The following MCTP1 variants were observed in gnomAD, a reference collection of about 807,000 sequenced individuals.
MCTP1 encodes the protein multiple C2 and transmembrane domain containing 1, also known as multiple C2 and transmembrane domain-containing protein 1.
MCTP1 carries 69 observed loss-of-function variants against 120.6 expected under a neutral mutation model. That is an observed-to-expected ratio of 0.57 (90% CI 0.47 to 0.70). MCTP1 has a LOEUF of 0.70. Ranked by LOEUF, MCTP1 falls within the 30% of genes least tolerant of loss-of-function variation. The probability of loss-of-function intolerance (pLI) is 0.00; values close to 1 mark genes in which losing one functional copy is unlikely to be tolerated. For synonymous variants in MCTP1, 529 were observed against 493.1 expected, an observed-to-expected ratio of 1.07 and a Z score of -0.96; for missense variants, 1,203 against 1,248.8, an observed-to-expected ratio of 0.96 and a Z score of 0.55.
At chr5:94,873,602 C>A (rs1798230690) in intron 12 of MCTP1, among the ~76,000 whole-genome samples, 1 of 151,874 alleles carries the variant, frequency 6.6e-6, no homozygotes, top group African/African-American at 2.4e-5. Flanking sequence ...TCTGTAAGAG[C>A]CGTTTGAAAA....
chr5:95,260,471 G>A (rs960214970), intron 1 of MCTP1, among the ~76,000 whole-genome samples: 2 of 152,132 alleles, frequency 1.3e-5, no homozygotes, highest in African/African-American at 4.8e-5. Context: ...CTGCGCAAAA[G>A]CATCGTGAGA....
chr5:95,182,790 G>C (rs1463389290), intron 1 of MCTP1, among the ~76,000 whole-genome samples: 1 of 152,064 alleles, frequency 6.6e-6, no homozygotes, highest in African/African-American at 2.4e-5. Context: ...CTGGGAGGCC[G>C]AGGCGGGTGG....
At chr5:95,202,929 G>A (rs144039668) in intron 1 of MCTP1, among the ~76,000 whole-genome samples, 163 of 152,030 alleles carry the variant, frequency 1.1e-3, no homozygotes, top group Non-Finnish European at 1.6e-3. Context: ...GGGTTTCACC[G>A]TGTTGGCCAG....
intron 1 of MCTP1, among the ~76,000 whole-genome samples, chr5:95,237,938 G>A (rs946345453): frequency 4.6e-5 from 7 of 152,048 alleles, no homozygotes; most frequent in Admixed American, 3.9e-4. Flanking sequence ...CATGCCACAC[G>A]AGATGCTGGG....
chr5:94,782,795 A>G (rs549745458), intron 18 of MCTP1, among the ~76,000 whole-genome samples: 39 of 152,162 alleles, frequency 2.6e-4, no homozygotes, highest in Non-Finnish European at 3.5e-4. Flanking sequence ...TTAATGAACA[A>G]CATACACTAT....
Position 95,282,722 on chromosome 5 carries a change from T to G in MCTP1, c.720+1134A>C, listed in dbSNP as rs139112444. 5.7e-3 allele frequency among the ~76,000 whole-genome samples: 865 copies of G among 152,350 alleles called. 9 individuals carry two copies. Among genetic ancestry groups the G allele is most frequent in the South Asian group, 0.029 (140 of 4,830 alleles). On this transcript the variant is annotated intron_variant, in intron 1 of 22. Coordinates refer to ENST00000515393, the MANE Select transcript of MCTP1 (RefSeq NM_024717.7). Reference sequence around the variant, plus strand: ...TTTGCTTACAGCAAGCAATTTTGTTTATTAAGGAACAAAACATATTCATAT... The same window carrying G: ...TTTGCTTACAGCAAGCAATTTTGTTGATTAAGGAACAAAACATATTCATAT...
At chr5:94,809,986 T>C (rs1783096940) in intron 17 of MCTP1, among the ~76,000 whole-genome samples, 1 of 152,050 alleles carries the variant, frequency 6.6e-6, no homozygotes, top group African/African-American at 2.4e-5. Context: ...TGGATCTCAG[T>C]TGTGTTTTAG....
intron 19 of MCTP1, among the ~76,000 whole-genome samples, chr5:94,737,926 G>C (rs1025060015): frequency 6.6e-6 from 1 of 152,168 alleles, no homozygotes; most frequent in African/African-American, 2.4e-5. Flanking sequence ...CGATCCACCT[G>C]CCTCGGCCTC....
At chr5:95,015,378 G>C (rs1430711717) in intron 2 of MCTP1, among the ~76,000 whole-genome samples, 2 of 151,980 alleles carry the variant, frequency 1.3e-5, no homozygotes, top group African/African-American at 4.8e-5. Context: ...CTATTTTGGG[G>C]TGCTAAAATA....
At chr5:95,023,979 C>T in intron 1 of MCTP1, 1 of 342,124 alleles carries the variant, frequency 2.9e-6, no homozygotes. Flanking sequence ...TTTTTAGTGC[C>T]TTCGTCTATT....
chr5:94,798,876 CCTGA>C (rs1780615819), intron 18 of MCTP1, 133 bp downstream of exon 18: 1 of 785,800 alleles, frequency 1.3e-6, no homozygotes, highest in African/African-American at 1.8e-5. Context: ...TTAGTTTTGA[CCTGA>C]TAAAACTTTC....
rs949233417 is a variant in MCTP1, at chr5:95,000,885, C to G, written c.838+16482G>C. Among the ~76,000 whole-genome samples the G allele has an allele frequency of 3.9e-5, 6 of 152,318 alleles. No homozygotes were observed. The East Asian group carries it at 1.2e-3, about 29-fold the overall frequency. ...GAGCAACTTGCAATCCTACAAGCAC[C>G]ATTCATGGTAAATGCCCTATACAGG... On this transcript the variant is annotated intron_variant, in intron 2 of 22. Coordinates refer to ENST00000515393, the MANE Select transcript of MCTP1 (RefSeq NM_024717.7).
intron 1 of MCTP1, among the ~76,000 whole-genome samples, chr5:95,099,742 A>G (rs1050106676): frequency 2.0e-5 from 3 of 151,612 alleles, no homozygotes; most frequent in Non-Finnish European, 4.4e-5. Flanking sequence ...AGAACTAGAA[A>G]TACCATTTGA....
At chr5:94,937,467 T>C (rs952474188) in intron 5 of MCTP1, among the ~76,000 whole-genome samples, 1 of 152,054 alleles carries the variant, frequency 6.6e-6, no homozygotes, top group African/African-American at 2.4e-5. Flanking sequence ...GAAAACCATA[T>C]TTTTGATGTA....
intron 19 of MCTP1, among the ~76,000 whole-genome samples, chr5:94,760,747 C>T (rs1408953276): frequency 3.3e-5 from 5 of 151,624 alleles, no homozygotes; most frequent in South Asian, 2.1e-4. Flanking sequence ...TGCAGTGGCA[C>T]GATCACAGCT....
chr5:94,780,093 C>T (rs925611156), intron 18 of MCTP1, among the ~76,000 whole-genome samples: 1 of 151,820 alleles, frequency 6.6e-6, no homozygotes, highest in Non-Finnish European at 1.5e-5. Context: ...CAAGTAAGAC[C>T]CAACTTATTG....
At position 94,827,257 on chromosome 5, in the gene MCTP1, G is replaced by A. The variant is rs184578978; in HGVS notation, c.2437-28125C>T. Among the ~76,000 whole-genome samples, 540 of 152,258 alleles carry A rather than the reference G, an allele frequency of 3.5e-3. 3 individuals carry two copies. Among genetic ancestry groups the A allele is most frequent in the Non-Finnish European group, 5.2e-3 (352 of 68,012 alleles). On this transcript the variant is annotated intron_variant, in intron 17 of 22. Transcript: ENST00000515393. Reference sequence around the variant, plus strand: ...AAGTTTGGCTGGATATGAAATTCTGGATTGAAAATTCTTTTCTTTAAGAGT... The same window carrying A: ...AAGTTTGGCTGGATATGAAATTCTGAATTGAAAATTCTTTTCTTTAAGAGT...
At chr5:94,772,049 G>A (rs1367788624) in intron 19 of MCTP1, among the ~76,000 whole-genome samples, 1 of 152,086 alleles carries the variant, frequency 6.6e-6, no homozygotes, top group Non-Finnish European at 1.5e-5. Flanking sequence ...CAGTTAGTTT[G>A]TGTTTTACTG....
At chr5:94,853,689 T>C (rs1794188897) in intron 17 of MCTP1, among the ~76,000 whole-genome samples, 1 of 151,922 alleles carries the variant, frequency 6.6e-6, no homozygotes, top group African/African-American at 2.4e-5. Context: ...ATTTCCTACC[T>C]GGTGTTATCT....
Sources: gnomAD v4.1 joint callset for allele counts (sites outside exome capture counted in the v4.1 genomes callset) on GRCh38, gnomAD v4.1.1 for gene constraint, MANE v1.5 for transcripts, NCBI Gene and HGNC (gene_info 2026-07-23, HGNC 2026-07-21) for gene names.